RBM4: variants seen among roughly 807,000 people sequenced by gnomAD.
RBM4 encodes the protein RNA-binding protein 4.
A neutral mutation model predicts 29.5 loss-of-function variants in RBM4; 7 were observed. That is an observed-to-expected ratio of 0.24 (90% CI 0.14 to 0.45). RBM4 has a LOEUF of 0.45. Ranked by LOEUF, RBM4 falls within the 20% of genes least tolerant of loss-of-function variation. RBM4 has a pLI of 1.00. For synonymous variants in RBM4, 220 were observed against 205.4 expected (o/e 1.07, Z -0.61); for missense variants, 387 against 502.3 (o/e 0.77, Z 2.19).
At chr11:66,657,790 T>G (rs1158862193) in intron 2 of RBM4, among the ~76,000 whole-genome samples, 1 of 144,790 alleles carries the variant, frequency 6.9e-6, no homozygotes, top group African/African-American at 2.6e-5. Context: ...CAGGCTGGAG[T>G]GCCGTGTTCA....
At position 66,643,275 on chromosome 11, in the gene RBM4, A is replaced by G. The variant is rs1440222069; in HGVS notation, c.413-175A>G. On this transcript the variant is annotated intron_variant, in intron 2 of 3. Transcript: ENST00000310092. The surrounding 1 kb of genome is among the most constrained non-coding windows in gnomAD (Gnocchi z 6.1). ...AGTGGTCTTTTCCTGAAATCAGGTC[A>G]TTATACTGAATCTATATGTTGAGTC... 1.3e-5 allele frequency among the ~76,000 whole-genome samples: 2 copies of G among 151,552 alleles called. No homozygotes were observed. Among genetic ancestry groups the G allele is most frequent in the East Asian group, 1.9e-4 (1 of 5,178 alleles).
chr11:66,661,382 G>A (rs1342447992), intron 2 of RBM4, among the ~76,000 whole-genome samples: 1 of 152,196 alleles, frequency 6.6e-6, no homozygotes, highest in Non-Finnish European at 1.5e-5. Context: ...TCTGGGGCAA[G>A]TTGCTTCCCT....
downstream of RBM4, among the ~76,000 whole-genome samples, chr11:66,647,667 T>G (rs1030124795): frequency 6.6e-6 from 1 of 152,178 alleles, no homozygotes; most frequent in Non-Finnish European, 1.5e-5. Context: ...GTTGGCAAAT[T>G]TCAAACATTG....
chr11:66,657,433 G>C (rs1304226028), intron 2 of RBM4, among the ~76,000 whole-genome samples: 1 of 151,502 alleles, frequency 6.6e-6, no homozygotes, highest in African/African-American at 2.4e-5. Context: ...CTGTAATCCC[G>C]GCACTTTGGG....
At chr11:66,654,540 C>T (rs994447977) in intron 2 of RBM4, among the ~76,000 whole-genome samples, 1 of 151,904 alleles carries the variant, frequency 6.6e-6, no homozygotes, top group African/African-American at 2.4e-5. Flanking sequence ...CTCACTTTGT[C>T]CTCTAGGCTG....
At chr11:66,666,589 T>G in exon 3 of RBM4, 1 of 224,400 alleles carries the variant, frequency 4.5e-6, no homozygotes, top group Non-Finnish European at 7.5e-6. Context: ...GTCCTAGCAA[T>G]ACCTTTTGAA....
exon 3 of RBM4, chr11:66,666,049 C>A: frequency 8.3e-7 from 1 of 1,211,262 alleles, no homozygotes; most frequent in South Asian, 1.5e-5. Context: ...AAATGATGGT[C>A]ACAAGGGGTA....
chr11:66,663,728 G>GTGTGTGTA (rs1554971428), intron 2 of RBM4, among the ~76,000 whole-genome samples: 19 of 151,484 alleles, frequency 1.3e-4, no homozygotes, highest in Middle Eastern at 3.4e-3. Flanking sequence ...GTGTGTGTGT[G>GTGTGTGTA]TATATATGTT....
chr11:66,666,456 A>G (rs1018015052), exon 3 of RBM4: 17 of 987,484 alleles, frequency 1.7e-5, no homozygotes, highest in African/African-American at 3.5e-5. Flanking sequence ...TGGGACTGCA[A>G]CCAACTCAGG....
chr11:66,654,743 C>T (rs927844551), intron 2 of RBM4, among the ~76,000 whole-genome samples: 3 of 147,992 alleles, frequency 2.0e-5, no homozygotes, highest in Non-Finnish European at 4.5e-5. Context: ...GTCTTGAACT[C>T]CTGCGCTTAA....
Position 66,643,352 on chromosome 11 carries a change from T to A in RBM4, c.413-98T>A. 7.0e-7 allele frequency: 1 copy of A among 1,429,508 alleles called. No homozygotes were observed. The highest frequency in any genetic ancestry group is 9.4e-7 in the Non-Finnish European group (1 of 1,062,018). 88.6% of individuals were successfully genotyped at this position (1,429,508 alleles called of 1,614,324 possible). ...CCTAAAGATGAGTCCTGCATTAGAATTGTCTAGATAAAGCCATTGCTATGA... is the reference window on the plus strand; with the variant it reads ...CCTAAAGATGAGTCCTGCATTAGAAATGTCTAGATAAAGCCATTGCTATGA... On this transcript the variant is annotated intron_variant, in intron 2 of 3. Coordinates refer to ENST00000310092, the MANE Select transcript of RBM4 (RefSeq NM_002896.4). The surrounding 1 kb of genome is among the most constrained non-coding windows in gnomAD (Gnocchi z 6.1).
intron 2 of RBM4, among the ~76,000 whole-genome samples, chr11:66,659,139 A>G (rs1473291103): frequency 1.3e-5 from 2 of 150,858 alleles, no homozygotes; most frequent in Non-Finnish European, 1.5e-5. Context: ...TGTGGCTCAC[A>G]TTGTATTTCT....
intron 2 of RBM4, among the ~76,000 whole-genome samples, chr11:66,663,409 G>C (rs1341753824): frequency 2.0e-5 from 3 of 152,176 alleles, no homozygotes; most frequent in Non-Finnish European, 4.4e-5. Flanking sequence ...CTGTCACCCA[G>C]GCTGGAGTGC....
chr11:66,640,281 T>G, intron 2 of RBM4, 158 bp downstream of exon 2: 2 of 998,354 alleles, frequency 2.0e-6, no homozygotes, highest in Non-Finnish European at 3.0e-6. Context: ...GTAGAATGCA[T>G]GGGACTTAGG....
intron 2 of RBM4, chr11:66,665,117 A>G (rs1363997205): frequency 6.4e-6 from 1 of 156,916 alleles, no homozygotes; most frequent in Non-Finnish European, 1.4e-5. Context: ...CATAAAAAAC[A>G]AACAAAACAA....
Position 66,657,744 on chromosome 11 carries a change from C to G in RBM4, c.413-8112C>G, listed in dbSNP as rs1357720403. On this transcript the variant is annotated intron_variant, in intron 2 of 2. Transcript: ENST00000396053. ...GAGCCACCTCGCCTGCCCCCTCCCC[C>G]ACCTTTTTTTTGAGACAGGGTCTTC... Among the ~76,000 whole-genome samples, 4 of 151,278 alleles carry G rather than the reference C, an allele frequency of 2.6e-5. No homozygotes were observed. In the South Asian group the frequency reaches 8.4e-4, roughly 32 times the overall value.
At chr11:66,656,592 A>C (rs1565086890) in intron 2 of RBM4, among the ~76,000 whole-genome samples, 1 of 152,150 alleles carries the variant, frequency 6.6e-6, no homozygotes, top group African/African-American at 2.4e-5. Context: ...TATTATTTTC[A>C]AACAATAAAA....
In RBM4 at chr11:66,644,108, T is replaced by A; in HGVS notation, c.1071T>A (p.Asp357Glu). The A allele has an allele frequency of 6.2e-7, 1 of 1,613,774 alleles. No individual in the cohort carries two copies. Among genetic ancestry groups the A allele is most frequent in the Non-Finnish European group, 8.5e-7 (1 of 1,179,862 alleles). The stretch of plus-strand genomic sequence containing the variant: ...GGTATGAGCGGGAGCAGTATGCCGA[T>A]CGGGCGCGGTACTCAGCCTTTTAAA... ...MARYEREQYA[D>E]RARYSAF The change falls in exon 3 of 4, where the codon GAT (aspartate) becomes GAA (glutamate). Residue 357 changes from aspartate (D) to glutamate (E), a missense_variant. This residue lies in a region of RBM4 where 281 missense variants were observed against 288.7 expected (regional missense o/e 0.97). Transcript: ENST00000310092.
chr11:66,647,349 AATT>A (rs1170944386), downstream of RBM4, among the ~76,000 whole-genome samples: 8 of 151,988 alleles, frequency 5.3e-5, no homozygotes, highest in East Asian at 3.8e-4. Context: ...TTTTTTTTTA[AATT>A]AATTGTTTCC....
Sources: gnomAD v4.1 joint callset for allele counts (sites outside exome capture counted in the v4.1 genomes callset) on GRCh38, gnomAD v4.1.1 for gene constraint, gnomAD v4.1.1 regional missense constraint, Gnocchi (gnomAD v3.1) non-coding constraint, MANE v1.5 for transcripts, NCBI Gene and HGNC (gene_info 2026-07-23, HGNC 2026-07-21) for gene names.